DIAPH2: variants seen among roughly 807,000 people sequenced by gnomAD.
DIAPH2 encodes the protein protein diaphanous homolog 2.
DIAPH2 carries 35 observed loss-of-function variants against 92.7 expected under a neutral mutation model. The ratio of observed to expected loss-of-function variants is 0.38; its 90% CI spans 0.29 to 0.50. The LOEUF (loss-of-function observed/expected upper bound fraction) is 0.50, where lower values mean the gene tolerates loss of function less well. DIAPH2 is among the 20% of genes least tolerant of loss of function. The probability of loss-of-function intolerance (pLI) is 0.94; values close to 1 mark genes in which losing one functional copy is unlikely to be tolerated. For missense variants in DIAPH2, 701 were observed against 819.5 expected, an observed-to-expected ratio of 0.86 and a Z score of 1.77; for synonymous variants, 301 against 280.4, an observed-to-expected ratio of 1.07 and a Z score of -0.73.
intron 19 of DIAPH2, among the ~76,000 whole-genome samples, chrX:97,096,298 T>A (rs1007412029): frequency 8.9e-6 from 1 of 112,029 alleles, no homozygotes; most frequent in African/African-American, 3.2e-5. Context: ...GCTATTTTAA[T>A]TTTTTTTAAG....
chrX:97,234,207 T>G (rs888037903), intron 22 of DIAPH2, among the ~76,000 whole-genome samples: 9 of 107,843 alleles, frequency 8.3e-5, no homozygotes, highest in African/African-American at 3.0e-4. Flanking sequence ...GGTGCATGCC[T>G]GTAATCCCAG....
At chrX:97,473,633 C>G (rs1312231242) in intron 26 of DIAPH2, among the ~76,000 whole-genome samples, 7 of 112,260 alleles carry the variant, frequency 6.2e-5, no homozygotes, top group Non-Finnish European at 1.3e-4. Flanking sequence ...CCACGCCCAG[C>G]AAGAATATTT....
chrX:97,361,253 T>C (rs917238991), intron 24 of DIAPH2, among the ~76,000 whole-genome samples: 2 of 110,810 alleles, frequency 1.8e-5, no homozygotes, highest in African/African-American at 6.6e-5. Context: ...TTAAAAGTTT[T>C]AGAATAGAAT....
At chrX:97,281,367 A>T (rs940900252) in intron 23 of DIAPH2, among the ~76,000 whole-genome samples, 1 of 111,525 alleles carries the variant, frequency 9.0e-6, no homozygotes, top group African/African-American at 3.3e-5. Context: ...TTCTTGAAAC[A>T]TACTGAAATT....
chrX:96,828,283 TCTC>T (rs1421396078), intron 4 of DIAPH2, among the ~76,000 whole-genome samples: 2 of 111,183 alleles, frequency 1.8e-5, no homozygotes, highest in Non-Finnish European at 3.8e-5. Context: ...CATTTTCTCA[TCTC>T]CTCTTCTCTT....
rs1382029686 is a variant in DIAPH2, at chrX:96,883,199, ATATAT to A, written c.587+1484_587+1488del. ...AGTTTGGATTTATGTATAAATTGAA[ATATAT>A]TAATTACTTATTTATAGTGCACTTG... On this transcript the variant is annotated intron_variant, in intron 5 of 26. Coordinates refer to ENST00000324765, the MANE Select transcript of DIAPH2 (RefSeq NM_006729.5). Among the ~76,000 whole-genome samples the A allele has an allele frequency of 2.0e-4, 22 of 110,419 alleles. 1 individual carries two copies. The Admixed American group carries it at 2.1e-3, about 11-fold the overall frequency.
At chrX:97,470,498 G>A (rs1389306051) in intron 26 of DIAPH2, among the ~76,000 whole-genome samples, 1 of 110,742 alleles carries the variant, frequency 9.0e-6, no homozygotes, top group Non-Finnish European at 1.9e-5. Context: ...ATAGCACAGT[G>A]ATTTCTTTAC....
At chrX:97,343,520 T>A (rs1316279140) in intron 23 of DIAPH2, among the ~76,000 whole-genome samples, 1 of 110,466 alleles carries the variant, frequency 9.1e-6, no homozygotes, top group African/African-American at 3.3e-5. Flanking sequence ...AATACAAAAA[T>A]TAGCTGGGCA....
intron 5 of DIAPH2, among the ~76,000 whole-genome samples, chrX:96,895,743 G>A (rs1380837043): frequency 8.9e-6 from 1 of 111,924 alleles, no homozygotes; most frequent in Non-Finnish European, 1.9e-5. Context: ...GAAGTGATTG[G>A]TCTGGCAAAA....
intron 4 of DIAPH2, among the ~76,000 whole-genome samples, chrX:96,832,353 A>G (rs115500870): frequency 0.025 from 2,848 of 111,883 alleles, 82 homozygotes; most frequent in African/African-American, 0.088. Flanking sequence ...TATTGCAAAT[A>G]CTATTACAAC....
chrX:97,144,909 C>T (rs1231709983), intron 22 of DIAPH2, among the ~76,000 whole-genome samples: 2 of 111,568 alleles, frequency 1.8e-5, no homozygotes, highest in South Asian at 3.7e-4. Context: ...GGATTACAGG[C>T]GCACGCCACC....
chrX:96,950,045 A>G (rs1414231793), intron 15 of DIAPH2, among the ~76,000 whole-genome samples: 1 of 110,301 alleles, frequency 9.1e-6, no homozygotes, highest in Non-Finnish European at 1.9e-5. Context: ...TGTATTACTT[A>G]TCTCTAATAT....
intron 5 of DIAPH2, among the ~76,000 whole-genome samples, chrX:96,900,227 G>A (rs2065383649): frequency 9.0e-6 from 1 of 111,289 alleles, no homozygotes; most frequent in South Asian, 3.8e-4. Flanking sequence ...TTTTTTGTTT[G>A]TTTATTTGTT....
intron 5 of DIAPH2, among the ~76,000 whole-genome samples, chrX:96,896,846 T>A (rs918253672): frequency 1.8e-5 from 2 of 112,108 alleles, no homozygotes; most frequent in African/African-American, 6.5e-5. Flanking sequence ...ATACTGCATT[T>A]AGTCCTACAA....
At chrX:97,589,636 A>G (rs1181349799) in intron 26 of DIAPH2, among the ~76,000 whole-genome samples, 1 of 111,477 alleles carries the variant, frequency 9.0e-6, no homozygotes, top group African/African-American at 3.3e-5. Context: ...CAATGCTGCA[A>G]AGAACATCAG....
At chrX:97,233,113 G>T (rs1248914296) in intron 22 of DIAPH2, among the ~76,000 whole-genome samples, 1 of 112,197 alleles carries the variant, frequency 8.9e-6, no homozygotes, top group Non-Finnish European at 1.9e-5. Context: ...ACAGTGGTTT[G>T]TTCCCCTCAC....
At chrX:97,286,687 G>T (rs887093741) in intron 23 of DIAPH2, among the ~76,000 whole-genome samples, 2 of 110,961 alleles carry the variant, frequency 1.8e-5, no homozygotes, top group Non-Finnish European at 3.8e-5. Context: ...CTCCCACGTG[G>T]CTCACTTCTA....
intron 1 of DIAPH2, among the ~76,000 whole-genome samples, chrX:96,710,686 G>T (rs1569371529): frequency 9.0e-6 from 1 of 111,214 alleles, no homozygotes. Context: ...ATGATGAGGA[G>T]GGAAAATTTT....
At chrX:97,165,586 C>T (rs1009667112) in intron 22 of DIAPH2, among the ~76,000 whole-genome samples, 7 of 110,575 alleles carry the variant, frequency 6.3e-5, no homozygotes, top group African/African-American at 9.9e-5. Context: ...CTCTGTCCCC[C>T]GGGCTCAAGG....
Sources: gnomAD v4.1 joint callset for allele counts (sites outside exome capture counted in the v4.1 genomes callset) on GRCh38, gnomAD v4.1.1 for gene constraint, MANE v1.5 for transcripts, NCBI Gene and HGNC (gene_info 2026-07-23, HGNC 2026-07-21) for gene names.